AUTS2: variants seen among roughly 807,000 people sequenced by gnomAD.
AUTS2 encodes autism susceptibility gene 2 protein.
AUTS2 carries 17 observed loss-of-function variants against 112.4 expected under a neutral mutation model. The ratio of observed to expected loss-of-function variants is 0.15; its 90% CI spans 0.10 to 0.23. AUTS2 has a LOEUF of 0.23. Ranked by LOEUF, AUTS2 falls within the 10% of genes least tolerant of loss-of-function variation. The pLI is 1.00. For missense variants in AUTS2, 1,510 were observed against 1,701.6 expected, an observed-to-expected ratio of 0.89 and a Z score of 1.98; for synonymous variants, 751 against 702.7, an observed-to-expected ratio of 1.07 and a Z score of -1.09.
chr7:70,064,513 T>C (rs1020128408), intron 2 of AUTS2, among the ~76,000 whole-genome samples: 2 of 152,214 alleles, frequency 1.3e-5, no homozygotes, highest in Admixed American at 1.3e-4. Context: ...AACTGCTGTC[T>C]GTCATTTACT....
chr7:70,538,401 G>A (rs567116259), intron 5 of AUTS2, among the ~76,000 whole-genome samples: 5 of 152,178 alleles, frequency 3.3e-5, no homozygotes, highest in African/African-American at 9.6e-5. Context: ...GGTGGCAGGC[G>A]GCTGTCTGCC....
At chr7:70,494,442 G>A (rs755008138) in intron 5 of AUTS2, among the ~76,000 whole-genome samples, 15 of 152,156 alleles carry the variant, frequency 9.9e-5, no homozygotes, top group African/African-American at 3.4e-4. Context: ...GGCCCATGGC[G>A]AGGAAAATGC....
rs1024121968 is a variant in AUTS2 at position 70,784,766 on chromosome 7, A to C, written c.2147-176A>C. The C allele has an allele frequency of 3.0e-4, 85 of 288,122 alleles. 1 individual carries two copies. The highest frequency in any genetic ancestry group is 3.9e-4 in the Non-Finnish European group (62 of 157,202). 17.8% of individuals were successfully genotyped at this position (288,122 alleles called of 1,614,324 possible). ...CTAAAAAAAAAAAAAAAAAAAAAAA[A>C]AAAAAAACACACATTTTCTTTTACC... On this transcript the variant is annotated intron_variant, in intron 15 of 18. Transcript: ENST00000342771.
rs141571859 is a variant in AUTS2 at position 70,400,671 on chromosome 7, G to A, written c.661-35081G>A. 1.4e-3 allele frequency among the ~76,000 whole-genome samples: 218 copies of A among 152,270 alleles called. 1 individual carries two copies. The highest frequency in any genetic ancestry group is 2.0e-3 in the African/African-American group (85 of 41,544). On this transcript the variant is annotated intron_variant, in intron 4 of 18. Coordinates refer to ENST00000342771, the MANE Select transcript of AUTS2 (RefSeq NM_015570.4). The stretch of plus-strand genomic sequence containing the variant: ...CTCTCCCCTCACACCTTATATAGGA[G>A]GTTGGTAAGCAAGGAGAGTCACTGA...
At chr7:70,488,192 C>T (rs911211988) in intron 5 of AUTS2, among the ~76,000 whole-genome samples, 7 of 152,204 alleles carry the variant, frequency 4.6e-5, no homozygotes, top group Non-Finnish European at 8.8e-5. Context: ...GCTGGAGAGT[C>T]GCTTCATAAG....
chr7:70,245,144 G>GTATATATATATATATATA (rs71077638), intron 4 of AUTS2, among the ~76,000 whole-genome samples: 9 of 108,996 alleles, frequency 8.3e-5, no homozygotes, highest in African/African-American at 3.7e-4. Context: ...GTGTGTGTGT[G>GTATATATATATATATATA]TATATATATA....
At chr7:70,670,137 C>T (rs755514237) in intron 5 of AUTS2, among the ~76,000 whole-genome samples, 17 of 152,214 alleles carry the variant, frequency 1.1e-4, no homozygotes, top group Non-Finnish European at 2.1e-4. Context: ...AGGACCTCCT[C>T]TCACAAACAC....
chr7:69,914,356 G>GACAGAC (rs1795480471), intron 2 of AUTS2, among the ~76,000 whole-genome samples: 3 of 136,100 alleles, frequency 2.2e-5, no homozygotes, highest in African/African-American at 8.3e-5. Flanking sequence ...CACACACACA[G>GACAGAC]ACACACACAC....
chr7:69,985,986 C>T (rs1798498700), intron 2 of AUTS2, among the ~76,000 whole-genome samples: 1 of 152,064 alleles, frequency 6.6e-6, no homozygotes, highest in African/African-American at 2.4e-5. Context: ...TGGTCCTGAA[C>T]TTCTGGGCTT....
At chr7:69,904,077 C>A (rs1482905443) in intron 2 of AUTS2, among the ~76,000 whole-genome samples, 1 of 152,180 alleles carries the variant, frequency 6.6e-6, no homozygotes, top group African/African-American at 2.4e-5. Flanking sequence ...ATGGTTGCAT[C>A]TGCTTCATGT....
intron 5 of AUTS2, among the ~76,000 whole-genome samples, chr7:70,582,481 C>T (rs1280979183): frequency 6.6e-6 from 1 of 152,190 alleles, no homozygotes; most frequent in Non-Finnish European, 1.5e-5. Flanking sequence ...TTAAGTTACC[C>T]CTTCCCACCA....
intron 2 of AUTS2, among the ~76,000 whole-genome samples, chr7:69,922,780 G>A (rs1026112753): frequency 2.6e-5 from 4 of 152,124 alleles, no homozygotes; most frequent in Admixed American, 6.5e-5. Context: ...TTAACATAGC[G>A]TGGGAAAGGT....
At chr7:69,674,133 C>G (rs1025814736) in intron 1 of AUTS2, among the ~76,000 whole-genome samples, 6 of 152,330 alleles carry the variant, frequency 3.9e-5, no homozygotes, top group Non-Finnish European at 4.4e-5. Context: ...GTGTCTGGGA[C>G]AAGCCTGAAA....
rs373325906 is a variant in AUTS2, at chr7:70,358,620, AG to A, written c.661-77130del. Among the ~76,000 whole-genome samples, 350 of 152,334 alleles carry A rather than the reference AG, an allele frequency of 2.3e-3. 1 individual carries two copies. Among genetic ancestry groups the A allele is most frequent in the African/African-American group, 8.0e-3 (334 of 41,584 alleles). ...GAAGCAGCTTAGGCCATCTGGGAAG[AG>A]GAGTCCTGTCTCCTTGGTGTGCACC... On this transcript the variant is annotated intron_variant, in intron 4 of 18. Coordinates refer to ENST00000342771, the MANE Select transcript of AUTS2 (RefSeq NM_015570.4).
intron 4 of AUTS2, among the ~76,000 whole-genome samples, chr7:70,371,661 G>A (rs1585069373): frequency 6.6e-6 from 1 of 152,010 alleles, no homozygotes; most frequent in African/African-American, 2.4e-5. Flanking sequence ...CAATCTCTTT[G>A]AGTTCAACAT....
intron 6 of AUTS2, among the ~76,000 whole-genome samples, chr7:70,703,014 G>C (rs1809542498): frequency 6.6e-6 from 1 of 152,182 alleles, no homozygotes; most frequent in Admixed American, 6.5e-5. Context: ...CCTGAAATCT[G>C]AGGAGATGAG....
intron 5 of AUTS2, among the ~76,000 whole-genome samples, chr7:70,482,335 G>T (rs1382105888): frequency 2.0e-5 from 3 of 152,040 alleles, no homozygotes; most frequent in African/African-American, 7.2e-5. Context: ...CGTCTTATTA[G>T]CCCCCATCAC....
intron 5 of AUTS2, among the ~76,000 whole-genome samples, chr7:70,567,760 G>A (rs750666507): frequency 3.3e-5 from 5 of 152,168 alleles, no homozygotes; most frequent in Non-Finnish European, 7.3e-5. Flanking sequence ...GCACTTCCTG[G>A]TGATTGTTTT....
chr7:70,135,649 T>C (rs1806516186), intron 4 of AUTS2, among the ~76,000 whole-genome samples: 1 of 152,208 alleles, frequency 6.6e-6, no homozygotes, highest in Non-Finnish European at 1.5e-5. Context: ...ATTTTCTAGA[T>C]GTTGACTTTT....
Sources: allele counts gnomAD v4.1 joint callset (sites outside exome capture counted in the v4.1 genomes callset), GRCh38; gene constraint gnomAD v4.1.1; transcripts MANE v1.5; gene names NCBI Gene and HGNC (gene_info 2026-07-23, HGNC 2026-07-21).